The following PCDHGB2 variants were observed in gnomAD, a reference collection of about 807,000 sequenced individuals.
PCDHGB2 encodes the protein protocadherin gamma-B2.
PCDHGB2 carries 55 observed loss-of-function variants against 59.3 expected under a neutral mutation model. The observed-to-expected ratio is 0.93, with a 90% CI of 0.75 to 1.16. PCDHGB2 has a LOEUF of 1.16. Among genes scored for constraint, PCDHGB2 ranks in the 50% most tolerant of loss-of-function variants. PCDHGB2 has a pLI of 0.00. For missense variants in PCDHGB2, 1,228 were observed against 1,198.5 expected, an observed-to-expected ratio of 1.02 and a Z score of -0.36; for synonymous variants, 516 against 512.0, an observed-to-expected ratio of 1.01 and a Z score of -0.11.
intron 1 of PCDHGB2, chr5:141,409,566 C>T: frequency 2.5e-6 from 4 of 1,613,978 alleles, no homozygotes; most frequent in Middle Eastern, 1.6e-4. Context: ...TTCGACCAGA[C>T]GTCCTACGTG....
At chr5:141,461,602 A>G (rs971808608) in intron 1 of PCDHGB2, among the ~76,000 whole-genome samples, 2 of 152,172 alleles carry the variant, frequency 1.3e-5, no homozygotes, top group African/African-American at 4.8e-5. Flanking sequence ...ATTATAATTT[A>G]GTTCAAAGTA....
chr5:141,376,421 A>C (rs765897100), intron 1 of PCDHGB2: 1 of 1,614,248 alleles, frequency 6.2e-7, no homozygotes, highest in Non-Finnish European at 8.5e-7. Flanking sequence ...CGACACGCTT[A>C]TCAACCAGGA....
At chr5:141,369,567 A>G (rs1325702872) in intron 1 of PCDHGB2, among the ~76,000 whole-genome samples, 2 of 152,244 alleles carry the variant, frequency 1.3e-5, no homozygotes, top group African/African-American at 4.8e-5. Flanking sequence ...ACAAAGGAAA[A>G]GAGACCCTCT....
chr5:141,504,705 T>C (rs960774850), intron 2 of PCDHGB2, among the ~76,000 whole-genome samples: 19 of 151,608 alleles, frequency 1.3e-4, no homozygotes, highest in Middle Eastern at 3.4e-3. Flanking sequence ...GGTTCTTCTA[T>C]GGCCGTGGAT....
rs915257485 is a variant in PCDHGB2, at chr5:141,476,018, A to T, written c.2422-18789A>T. ...AACGGCATCCAGAAAGCCATGTCGG[A>T]CTCGGCGCCCAGCGCCCAAGCGCTA... On this transcript the variant is annotated intron_variant, in intron 1 of 3. Transcript: ENST00000522605. This position sits in a 1 kb window ranked among gnomAD's most constrained non-coding sequence, Gnocchi z 7.6. The T allele has an allele frequency of 5.8e-6, 8 of 1,371,412 alleles. No homozygotes were observed. Among genetic ancestry groups the T allele is most frequent in the Non-Finnish European group, 7.9e-6 (8 of 1,016,908 alleles). The allele number at this position is 1,371,412 out of a possible 1,614,324, so 85.0% of individuals were successfully genotyped here.
chr5:141,372,672 T>A, intron 1 of PCDHGB2: 1 of 1,613,978 alleles, frequency 6.2e-7, no homozygotes. Context: ...TGCCTCACAT[T>A]CCTCAAACAC....
intron 1 of PCDHGB2, chr5:141,392,786 T>C: frequency 5.2e-6 from 8 of 1,550,412 alleles, no homozygotes; most frequent in Non-Finnish European, 7.0e-6. Flanking sequence ...CAGTGAAGAT[T>C]CTGAGAGGAT....
At chr5:141,403,227 G>A (rs2094378929) in intron 1 of PCDHGB2, 4 of 1,608,848 alleles carry the variant, frequency 2.5e-6, no homozygotes, top group African/African-American at 1.3e-5. Flanking sequence ...AGGATAGACC[G>A]GGAGGAGCTC....
intron 1 of PCDHGB2, chr5:141,409,213 C>A (rs1379007048): frequency 6.2e-7 from 1 of 1,613,994 alleles, no homozygotes; most frequent in East Asian, 2.2e-5. Context: ...TCATAGAAAT[C>A]CTTGATGAAA....
Position 141,384,308 on chromosome 5 carries a change from C to G in PCDHGB2, c.2421+21752C>G, listed in dbSNP as rs974367218. On this transcript the variant is annotated intron_variant, in intron 1 of 3. Transcript: ENST00000522605. ...GCTGAGAACAACCCCAGAGGGGCCT[C>G]CATTTTCTTAGTGACTGCACAGGAC... The G allele has an allele frequency of 1.5e-5, 25 of 1,613,736 alleles. No homozygotes were observed. The highest frequency in any genetic ancestry group is 2.1e-5 in the Non-Finnish European group (25 of 1,179,896).
At chr5:141,398,797 G>A (rs1338071296) in intron 1 of PCDHGB2, 2 of 1,613,898 alleles carry the variant, frequency 1.2e-6, no homozygotes, top group South Asian at 1.1e-5. Flanking sequence ...ACCCCTAAGC[G>A]GCACCACTGA....
chr5:141,496,499 G>A (rs1417059875), intron 2 of PCDHGB2, among the ~76,000 whole-genome samples: 1 of 152,102 alleles, frequency 6.6e-6, no homozygotes, highest in Non-Finnish European at 1.5e-5. Context: ...AACCCTTGTT[G>A]CCACAAGGAC....
At chr5:141,404,465 G>C in intron 1 of PCDHGB2, 1 of 1,613,516 alleles carries the variant, frequency 6.2e-7, no homozygotes, top group Non-Finnish European at 8.5e-7. Flanking sequence ...CTCCACCTAT[G>C]TCTCTATTAA....
At chr5:141,418,836 C>T (rs2096292464) in intron 1 of PCDHGB2, 1 of 1,613,984 alleles carries the variant, frequency 6.2e-7, no homozygotes, top group Non-Finnish European at 8.5e-7. Flanking sequence ...GACCGAGGAT[C>T]TCTCTCAACA....
In PCDHGB2 at chr5:141,462,551, G is replaced by C. The variant is rs57555347; in HGVS notation, c.2422-32256G>C. 8.3e-3 allele frequency among the ~76,000 whole-genome samples: 1,259 copies of C among 151,854 alleles called. 17 individuals carry two copies. The highest frequency in any genetic ancestry group is 0.029 in the African/African-American group (1,196 of 41,422). ...TTGTTCAGTGATCTTTTCTTCTTCA[G>C]TGTTTACTGTATTTGCTAATCCCAT... On this transcript the variant is annotated intron_variant, in intron 1 of 3. Transcript: ENST00000522605.
chr5:141,401,283 G>A (rs751622626), intron 1 of PCDHGB2, among the ~76,000 whole-genome samples: 2 of 152,044 alleles, frequency 1.3e-5, no homozygotes, highest in Non-Finnish European at 2.9e-5. Flanking sequence ...TGGAGGTTGC[G>A]GTGAGCCGAG....
chr5:141,483,764 A>G (rs1170910094), intron 1 of PCDHGB2, among the ~76,000 whole-genome samples: 1 of 152,104 alleles, frequency 6.6e-6, no homozygotes, highest in East Asian at 1.9e-4. Context: ...AGGCTTGGAA[A>G]AATATTGGGG....
chr5:141,363,785 C>G (rs1268075171), intron 1 of PCDHGB2, among the ~76,000 whole-genome samples: 1 of 152,020 alleles, frequency 6.6e-6, no homozygotes, highest in Non-Finnish European at 1.5e-5. Context: ...CTAAATTTAT[C>G]CTAATAAGGA....
chr5:141,394,836 T>C (rs116789057), intron 1 of PCDHGB2: 14 of 1,613,630 alleles, frequency 8.7e-6, no homozygotes, highest in South Asian at 1.1e-5. Flanking sequence ...CCTGACCGAG[T>C]TGGGCAGTCT....
Sources: allele counts gnomAD v4.1 joint callset (sites outside exome capture counted in the v4.1 genomes callset), GRCh38; gene constraint gnomAD v4.1.1; non-coding constraint Gnocchi (gnomAD v3.1); transcripts MANE v1.5; gene names NCBI Gene and HGNC (gene_info 2026-07-23, HGNC 2026-07-21).